Variants in CHST15 observed in about 807,000 individuals in gnomAD.
CHST15 encodes the protein carbohydrate sulfotransferase 15, also known as B cell RAG associated protein (GALNAC4S-6ST).
A neutral mutation model predicts 53.6 loss-of-function variants in CHST15; 30 were observed. The observed-to-expected ratio is 0.56, with a 90% CI of 0.42 to 0.76. CHST15 has a LOEUF of 0.76. Among genes scored for constraint, CHST15 ranks in the 30% least tolerant of loss-of-function variants. CHST15 has a pLI of 0.00. For missense variants in CHST15, 627 were observed against 740.5 expected (o/e 0.85, Z 1.78); for synonymous variants, 296 against 289.8 (o/e 1.02, Z -0.22).
At chr10:124,047,296 A>G (rs1590267607) in intron 1 of CHST15, among the ~76,000 whole-genome samples, 1 of 152,360 alleles carries the variant, frequency 6.6e-6, no homozygotes, top group East Asian at 1.9e-4. Flanking sequence ...TTTAGAAACA[A>G]TGAAATGAGT....
At chr10:124,056,457 T>C (rs965151788) in intron 1 of CHST15, among the ~76,000 whole-genome samples, 3 of 152,094 alleles carry the variant, frequency 2.0e-5, no homozygotes, top group Non-Finnish European at 4.4e-5. Flanking sequence ...CAGGAAAGTG[T>C]GCTAGGAGAC....
chr10:124,069,585 C>T (rs1293108133), intron 1 of CHST15, among the ~76,000 whole-genome samples: 1 of 152,186 alleles, frequency 6.6e-6, no homozygotes, highest in Non-Finnish European at 1.5e-5. Context: ...GGGCCCGTGG[C>T]CTGGGGAAGG....
chr10:124,046,278 G>A lies in CHST15; in HGVS notation c.-66C>T. The A allele has an allele frequency of 6.9e-7, 1 of 1,456,542 alleles. No homozygotes were observed. The highest frequency in any genetic ancestry group is 9.2e-7 in the Non-Finnish European group (1 of 1,083,024). 90.2% of individuals were successfully genotyped at this position (1,456,542 alleles called of 1,614,324 possible). A position where few individuals can be genotyped will look rare whatever the true frequency, so the allele number is the denominator to read the frequency against. On this transcript the variant is annotated 5_prime_UTR_variant, in exon 2 of 8. Coordinates refer to ENST00000435907, the MANE Select transcript of CHST15 (RefSeq NM_001270764.2). ...GGGTGGGCCCCCCACGAGTCTGGAT[G>A]TCCGCAAGTCGTGCTAGAAAACCTT...
intron 1 of CHST15, among the ~76,000 whole-genome samples, chr10:124,053,824 G>A (rs1041053769): frequency 3.3e-5 from 5 of 152,152 alleles, no homozygotes; most frequent in Admixed American, 3.3e-4. Flanking sequence ...AGGCTGAGGT[G>A]GGAGGATTGC....
chr10:124,084,141 A>T (rs1230792643), intron 1 of CHST15, among the ~76,000 whole-genome samples: 3 of 152,196 alleles, frequency 2.0e-5, no homozygotes, highest in Non-Finnish European at 2.9e-5. Context: ...CTGAGGCATC[A>T]GTGTTCAGTG....
intron 7 of CHST15, chr10:124,011,161 T>G: frequency 1.1e-6 from 1 of 914,854 alleles, no homozygotes; most frequent in Non-Finnish European, 1.3e-6. Context: ...CGCCCCGCCC[T>G]CTGGGCCACA....
chr10:124,077,380 A>G (rs1949109852), intron 1 of CHST15, among the ~76,000 whole-genome samples: 1 of 152,218 alleles, frequency 6.6e-6, no homozygotes, highest in Non-Finnish European at 1.5e-5. Context: ...CTGAGGATTT[A>G]AAAATATGGG....
intron 5 of CHST15, 93 bp from the exon 6 acceptor site, chr10:124,021,505 C>T: frequency 6.6e-7 from 1 of 1,521,198 alleles, no homozygotes; most frequent in East Asian, 2.3e-5. Context: ...ATTACATTAT[C>T]TAGTTTTCCT....
Position 124,036,519 on chromosome 10 carries a change from C to CA in CHST15, c.1190+1995dup, listed in dbSNP as rs1947504214. ...AGCCTCTCCCTGACCAGGTCATACT[C>CA]AGAGCAGCGGGAGCCATGCAGACTC... On this transcript the variant is annotated intron_variant, in intron 5 of 7. Transcript: ENST00000435907. The surrounding 1 kb of genome is among the most constrained non-coding windows in gnomAD (Gnocchi z 5.1). Among the ~76,000 whole-genome samples, 1 of 152,040 alleles carries CA rather than the reference C, an allele frequency of 6.6e-6. No individual in the cohort carries two copies.
Position 124,045,112 on chromosome 10 carries a change from C to CAAAAAAAAAAAAAAA in CHST15, c.547-208_547-194dup, listed in dbSNP as rs758243657. Among the ~76,000 whole-genome samples the CAAAAAAAAAAAAAAA allele has an allele frequency of 2.6e-3, 89 of 33,724 alleles. 1 individual carries two copies. The highest frequency in any genetic ancestry group is 4.3e-3 in the Non-Finnish European group (63 of 14,558). The allele number at this position is 33,724 out of a possible 152,430, so 22.1% of individuals were successfully genotyped here. On this transcript the variant is annotated intron_variant, in intron 2 of 7. Coordinates refer to ENST00000435907, the MANE Select transcript of CHST15 (RefSeq NM_001270764.2). ...TGCTTTCCTCTCCCCCGCCGCCCCACAAAAAAAAAAAAAAAAAAAAAAAAA... is the reference window on the plus strand; with the variant it reads ...TGCTTTCCTCTCCCCCGCCGCCCCACAAAAAAAAAAAAAAAAAAAAAAAAAAAAAAAAAAAAAAAA...
rs61751898 is a variant in CHST15, at chr10:124,012,355, C to T, written c.1473G>A (p.Lys491=). ...HASNVKYTMH[K]VFQFLNLGPL... Reference sequence around the variant, plus strand: ...TACCTAGGTTCAGAAACTGGAAGACCTTGTGCATGGTGTACTTGACGTTGG... The same window carrying T: ...TACCTAGGTTCAGAAACTGGAAGACTTTGTGCATGGTGTACTTGACGTTGG... Residue 491 remains lysine, a synonymous_variant, in exon 7 of 8, where the codon AAG becomes AAA. Coordinates refer to ENST00000435907, the MANE Select transcript of CHST15 (RefSeq NM_001270764.2). 692 of 1,614,054 alleles carry T rather than the reference C, an allele frequency of 4.3e-4. 4 individuals are homozygous for T. In the African/African-American group the frequency reaches 7.4e-3, roughly 17 times the overall value.
chr10:124,086,364 A>G (rs1318359339), intron 1 of CHST15, among the ~76,000 whole-genome samples: 9 of 152,156 alleles, frequency 5.9e-5, no homozygotes. Flanking sequence ...GTTTCCTTCC[A>G]TGAGGAGGAA....
Position 124,021,277 on chromosome 10 carries a change from G to T in CHST15, c.1326C>A (p.Asn442Lys). The T allele has an allele frequency of 6.2e-7, 1 of 1,611,902 alleles. No individual in the cohort carries two copies. Among genetic ancestry groups the T allele is most frequent in the South Asian group, 1.1e-5 (1 of 90,874 alleles). ...DYSLRACVYN[N>K]TLNNAMPVRL... ...ACACAGGCATGGCGTTGTTGAGGGT[G>T]TTGTTGTAGACGCAGGCGCGCAGTG... Residue 442 changes from asparagine to lysine, a missense_variant, in exon 6 of 8, where the codon AAC becomes AAA. By Grantham distance (94) the Asn-to-Lys change is moderately conservative. Transcript: ENST00000435907.
chr10:124,045,801 A>G lies in CHST15; in HGVS notation c.412T>C (p.Ser138Pro). The G allele has an allele frequency of 6.2e-7, 1 of 1,613,996 alleles. No homozygotes were observed. Among genetic ancestry groups the G allele is most frequent in the Non-Finnish European group, 8.5e-7 (1 of 1,180,016 alleles). The change falls in exon 2 of 8, where the codon TCC becomes CCC. Residue 138 changes from serine (S) to proline (P), a missense_variant. By Grantham distance (74) the Ser-to-Pro change is moderately conservative (BLOSUM62 -1). Coordinates refer to ENST00000435907, the MANE Select transcript of CHST15 (RefSeq NM_001270764.2). ...PSDTKEHHHQ[S>P]SVNNISYMKD... ...ATGTATGAAATATTATTTACAGAGG[A>G]TTGGTGGTGATGCTCCTTTGTGTCA...
chr10:124,056,610 C>T (rs1004095801), intron 1 of CHST15, among the ~76,000 whole-genome samples: 1 of 152,160 alleles, frequency 6.6e-6, no homozygotes, highest in Non-Finnish European at 1.5e-5. Context: ...CGGGGCTGTC[C>T]CTTGTCAGTT....
At chr10:124,066,472 C>T (rs76400548) in intron 1 of CHST15, among the ~76,000 whole-genome samples, 2 of 150,318 alleles carry the variant, frequency 1.3e-5, no homozygotes, top group Non-Finnish European at 3.0e-5. Flanking sequence ...AAAAAAAAAA[C>T]GAGTTTACAC....
At position 124,019,626 on chromosome 10, in the gene CHST15, A is replaced by G. The variant is rs1038076915; in HGVS notation, c.1347+1630T>C. 28 of 354,114 alleles carry G rather than the reference A, an allele frequency of 7.9e-5. No individual in the cohort carries two copies. The highest frequency in any genetic ancestry group is 1.0e-4 in the Non-Finnish European group (26 of 252,786). 21.9% of individuals were successfully genotyped at this position (354,114 alleles called of 1,614,324 possible). On this transcript the variant is annotated intron_variant, in intron 6 of 7. Transcript: ENST00000435907. The surrounding 1 kb of genome is among the most constrained non-coding windows in gnomAD (Gnocchi z 4.6). The stretch of plus-strand genomic sequence containing the variant: ...TTATGAAGGCTCCCTCCCGGGTTAC[A>G]TGAAATTTACGTTAAACAAGTATGT...
intron 5 of CHST15, among the ~76,000 whole-genome samples, chr10:124,035,151 G>A (rs187109891): frequency 0.089 from 6,605 of 74,610 alleles, 138 homozygotes; most frequent in Middle Eastern, 0.14. Flanking sequence ...GCCCCCTAAC[G>A]GGGACCCCGG....
At chr10:124,037,481 C>T (rs1947542109) in intron 5 of CHST15, among the ~76,000 whole-genome samples, 1 of 152,206 alleles carries the variant, frequency 6.6e-6, no homozygotes, top group African/African-American at 2.4e-5. Flanking sequence ...CTAAGCTACA[C>T]TGGCCATCTT....
Sources: allele counts gnomAD v4.1 joint callset (sites outside exome capture counted in the v4.1 genomes callset), GRCh38; gene constraint gnomAD v4.1.1; non-coding constraint Gnocchi (gnomAD v3.1); transcripts MANE v1.5; gene names NCBI Gene and HGNC (gene_info 2026-07-23, HGNC 2026-07-21).